Variants in TPST1 observed in about 807,000 individuals in gnomAD.
TPST1 encodes protein-tyrosine sulfotransferase 1.
Under a neutral mutation model 34.8 loss-of-function variants are expected in TPST1, and 20 were observed. The ratio of observed to expected loss-of-function variants is 0.57; its 90% confidence interval spans 0.40 to 0.84. TPST1 has a LOEUF of 0.84. TPST1 is among the 40% of genes least tolerant of loss of function. The pLI is 0.00. For missense variants in TPST1, 353 were observed against 455.5 expected (o/e 0.78, Z 2.05); for synonymous variants, 152 against 159.4 (o/e 0.95, Z 0.35).
At chr7:66,307,902 A>G (rs756792080) in intron 3 of TPST1, among the ~76,000 whole-genome samples, 1 of 152,248 alleles carries the variant, frequency 6.6e-6, no homozygotes, top group Non-Finnish European at 1.5e-5. Context: ...TACATTGGTC[A>G]TCATTTACAT....
At chr7:66,282,238 A>G (rs1790946630) in intron 2 of TPST1, among the ~76,000 whole-genome samples, 1 of 152,226 alleles carries the variant, frequency 6.6e-6, no homozygotes, top group Admixed American at 6.5e-5. Context: ...TTAGGCTCTC[A>G]GTTCCAGGCC....
At chr7:66,261,306 T>G (rs1294475781) in intron 2 of TPST1, among the ~76,000 whole-genome samples, 1 of 150,916 alleles carries the variant, frequency 6.6e-6, no homozygotes, top group African/African-American at 2.4e-5. Context: ...TTCAATATGG[T>G]CCTTTGAAAG....
rs1349174762 is a variant in TPST1 at position 66,205,558 on chromosome 7, C to T, written c.-102+36C>T. Reference sequence around the variant, plus strand: ...CGCGGCGCTCGCTGCGGCTCCGCTCCCCTCTCGTCTCCTCACACCCGGCCC... The same window carrying T: ...CGCGGCGCTCGCTGCGGCTCCGCTCTCCTCTCGTCTCCTCACACCCGGCCC... On this transcript the variant is annotated intron_variant, in intron 1 of 5. Coordinates refer to ENST00000304842, the MANE Select transcript of TPST1 (RefSeq NM_003596.4). This position sits in a 1 kb window ranked among gnomAD's most constrained non-coding sequence, Gnocchi z 5.0. 6.6e-6 allele frequency: 1 copy of T among 152,544 alleles called. No homozygotes were observed. The highest frequency in any genetic ancestry group is 1.5e-5 in the Non-Finnish European group (1 of 68,338). The allele number at this position is 152,544 out of a possible 1,614,324, so 9.4% of individuals were successfully genotyped here.
intron 3 of TPST1, among the ~76,000 whole-genome samples, chr7:66,310,803 GTATTTATTTATTTATT>G (rs56696715): frequency 6.8e-6 from 1 of 147,056 alleles, no homozygotes; most frequent in African/African-American, 2.5e-5. Context: ...AATTTGAAGA[GTATTTATTTATTTATT>G]TATTTATTTA....
Position 66,240,645 on chromosome 7 carries a change from A to G in TPST1, c.220A>G (p.Ile74Val). Residue 74 changes from isoleucine to valine, a missense_variant, in exon 2 of 6, where the codon ATT (isoleucine) becomes GTT (valine). Coordinates refer to ENST00000304842, the MANE Select transcript of TPST1 (RefSeq NM_003596.4). ...TCACAAAGATATGCCTTTAATATTTATTGGAGGTGTGCCTCGGAGTGGAAC... is the reference window on the plus strand; with the variant it reads ...TCACAAAGATATGCCTTTAATATTTGTTGGAGGTGTGCCTCGGAGTGGAAC... ...AYHKDMPLIF[I>V]GGVPRSGTTL... is the part of the protein sequence containing the mutation. 6.2e-7 allele frequency: 1 copy of G among 1,614,168 alleles called. No homozygotes were observed. Among genetic ancestry groups the G allele is most frequent in the Non-Finnish European group, 8.5e-7 (1 of 1,180,038 alleles).
intron 3 of TPST1, among the ~76,000 whole-genome samples, chr7:66,351,784 G>T (rs566776980): frequency 2.0e-5 from 3 of 151,846 alleles, no homozygotes; most frequent in South Asian, 4.2e-4. Context: ...TGTTTATGTG[G>T]GTCTTTAATT....
chr7:66,263,564 C>T (rs556102994), intron 2 of TPST1, among the ~76,000 whole-genome samples: 3 of 152,270 alleles, frequency 2.0e-5, no homozygotes, highest in East Asian at 3.9e-4. Flanking sequence ...TTGCTCCTCT[C>T]GAACCCACTC....
Position 66,320,237 on chromosome 7 carries a change from T to C in TPST1, c.1045-32268T>C, listed in dbSNP as rs556199622. Among the ~76,000 whole-genome samples the C allele has an allele frequency of 5.3e-5, 8 of 150,776 alleles. No homozygotes were observed. In the South Asian group the frequency reaches 1.5e-3, roughly 28 times the overall value. ...GTGTCTGGTTTCTTTCTTTCTTTTT[T>C]TCTTTTTCTTTTTTTTTTTTTTTTT... On this transcript the variant is annotated intron_variant, in intron 3 of 5. Coordinates refer to ENST00000304842, the MANE Select transcript of TPST1 (RefSeq NM_003596.4).
At chr7:66,230,555 G>A (rs1270334957) in intron 1 of TPST1, among the ~76,000 whole-genome samples, 2 of 152,052 alleles carry the variant, frequency 1.3e-5, no homozygotes, top group East Asian at 1.9e-4. Flanking sequence ...TTAAGGCAGC[G>A]CGTCTGGAGC....
At position 66,256,165 on chromosome 7, in the gene TPST1, A is replaced by G. The variant is rs145834579; in HGVS notation, c.845+14895A>G. ...ACTCTAAAGGGAATATGTTTAATGAATTTTGTTGTATTTATTTTAATGTAC... is the reference window on the plus strand; with the variant it reads ...ACTCTAAAGGGAATATGTTTAATGAGTTTTGTTGTATTTATTTTAATGTAC... On this transcript the variant is annotated intron_variant, in intron 2 of 5. Coordinates refer to ENST00000304842, the MANE Select transcript of TPST1 (RefSeq NM_003596.4). Among the ~76,000 whole-genome samples the G allele has an allele frequency of 3.9e-5, 6 of 152,226 alleles. No homozygotes were observed. The East Asian group carries it at 1.2e-3, about 29-fold the overall frequency.
At chr7:66,224,743 C>T (rs1789612339) in intron 1 of TPST1, among the ~76,000 whole-genome samples, 2 of 152,072 alleles carry the variant, frequency 1.3e-5, no homozygotes, top group African/African-American at 4.8e-5. Context: ...AATGTCAGCA[C>T]TCTCTTCTCT....
intron 3 of TPST1, among the ~76,000 whole-genome samples, chr7:66,335,312 T>C (rs976936765): frequency 6.6e-6 from 1 of 152,050 alleles, no homozygotes; most frequent in Non-Finnish European, 1.5e-5. Flanking sequence ...AAAAGTTAGC[T>C]GCATGTGGTG....
In TPST1 at chr7:66,315,852, T is replaced by C. The variant is rs186221236; in HGVS notation, c.1044+29143T>C. 5.5e-4 allele frequency among the ~76,000 whole-genome samples: 84 copies of C among 152,328 alleles called. 1 individual carries two copies. The South Asian group carries it at 0.012, about 23-fold the overall frequency. The stretch of plus-strand genomic sequence containing the variant: ...CGGGCCAGGTGCGGTAGCACACGCC[T>C]GTAATCCCAGCACTTTGGGAGGCCA... On this transcript the variant is annotated intron_variant, in intron 3 of 5. Coordinates refer to ENST00000304842, the MANE Select transcript of TPST1 (RefSeq NM_003596.4).
At chr7:66,297,758 G>T (rs1791231320) in intron 3 of TPST1, among the ~76,000 whole-genome samples, 1 of 152,212 alleles carries the variant, frequency 6.6e-6, no homozygotes, top group Non-Finnish European at 1.5e-5. Context: ...GCAGCAGTTG[G>T]AATTGATATT....
At chr7:66,279,388 C>T (rs534331705) in intron 2 of TPST1, among the ~76,000 whole-genome samples, 3 of 152,248 alleles carry the variant, frequency 2.0e-5, no homozygotes, top group Non-Finnish European at 4.4e-5. Context: ...TTGCGATGAA[C>T]ATACAGTTAC....
intron 1 of TPST1, among the ~76,000 whole-genome samples, chr7:66,209,028 A>G (rs145453764): frequency 0.02 from 3,002 of 152,126 alleles, 67 homozygotes; most frequent in East Asian, 0.092. Flanking sequence ...CACGCCTGTA[A>G]TCCCAGCATT....
At chr7:66,279,041 A>G (rs529424916) in intron 2 of TPST1, among the ~76,000 whole-genome samples, 1 of 152,180 alleles carries the variant, frequency 6.6e-6, no homozygotes, top group East Asian at 1.9e-4. Context: ...CCAGGTAATA[A>G]GCATAGTACT....
chr7:66,353,212 G>A (rs2116392839), intron 4 of TPST1, among the ~76,000 whole-genome samples: 1 of 152,314 alleles, frequency 6.6e-6, no homozygotes, highest in East Asian at 1.9e-4. Flanking sequence ...CTACTTGGGA[G>A]GCTGAGGGAG....
chr7:66,222,245 C>T (rs1194007418), intron 1 of TPST1, among the ~76,000 whole-genome samples: 3 of 152,020 alleles, frequency 2.0e-5, no homozygotes, highest in Non-Finnish European at 2.9e-5. Flanking sequence ...ATTAGCTGGG[C>T]GTGGTGGCAG....
Sources: allele counts gnomAD v4.1 joint callset (sites outside exome capture counted in the v4.1 genomes callset), GRCh38; gene constraint gnomAD v4.1.1; non-coding constraint Gnocchi (gnomAD v3.1); transcripts MANE v1.5; gene names NCBI Gene and HGNC (gene_info 2026-07-23, HGNC 2026-07-21).